Variants in FBXL7 observed in about 807,000 individuals in gnomAD.
FBXL7 encodes F-box and leucine rich repeat protein 7, also known as F-box/LRR-repeat protein 7.
In FBXL7, 12 loss-of-function variants were observed where a neutral mutation model predicts 38.3. That is an observed-to-expected ratio of 0.31 (90% confidence interval 0.20 to 0.51). FBXL7 has a LOEUF of 0.51. FBXL7 is among the 20% of genes least tolerant of loss of function. FBXL7 has a pLI of 0.98. For missense variants in FBXL7, 567 were observed against 676.4 expected (o/e 0.84, Z 1.79); for synonymous variants, 297 against 300.9 (o/e 0.99, Z 0.13).
intron 2 of FBXL7, among the ~76,000 whole-genome samples, chr5:15,869,105 A>G (rs1053131866): frequency 1.1e-4 from 17 of 152,278 alleles, no homozygotes; most frequent in Non-Finnish European, 2.4e-4. Flanking sequence ...ACTCAGTTCC[A>G]TGCCACATAA....
At chr5:15,887,782 G>A (rs186063275) in intron 2 of FBXL7, among the ~76,000 whole-genome samples, 3 of 152,282 alleles carry the variant, frequency 2.0e-5, no homozygotes, top group Admixed American at 6.5e-5. Flanking sequence ...CACTCAAGAA[G>A]CTTGGCTGTG....
At chr5:15,906,405 T>C (rs529386294) in intron 2 of FBXL7, among the ~76,000 whole-genome samples, 14 of 151,168 alleles carry the variant, frequency 9.3e-5, no homozygotes, top group African/African-American at 3.4e-4. Flanking sequence ...CCCCATTCTA[T>C]AGAGCTATTT....
At chr5:15,643,591 T>A (rs1263224240) in intron 2 of FBXL7, among the ~76,000 whole-genome samples, 6 of 152,210 alleles carry the variant, frequency 3.9e-5, no homozygotes, top group Non-Finnish European at 5.9e-5. Context: ...CTTTGAAATG[T>A]TAAGTGTGGA....
rs567493975 is a variant in FBXL7 at position 15,726,414 on chromosome 5, G to C, written c.127+110342G>C. 1.7e-3 allele frequency among the ~76,000 whole-genome samples: 264 copies of C among 152,154 alleles called. 1 individual carries two copies. The highest frequency in any genetic ancestry group is 3.4e-3 in the Middle Eastern group (1 of 294). On this transcript the variant is annotated intron_variant, in intron 2 of 3. Transcript: ENST00000504595. Reference sequence around the variant, plus strand: ...ACTACACCTCATCCTGGGCAACATAGTGAGACATCGCCCCTTAAAAAAATA... The same window carrying C: ...ACTACACCTCATCCTGGGCAACATACTGAGACATCGCCCCTTAAAAAAATA...
chr5:15,923,846 TC>T (rs1561190065), intron 2 of FBXL7, among the ~76,000 whole-genome samples: 1 of 151,662 alleles, frequency 6.6e-6, no homozygotes, highest in Non-Finnish European at 1.5e-5. Context: ...CACTTCACCC[TC>T]CCCCCTCCGC....
chr5:15,590,308 C>T (rs546575758), intron 1 of FBXL7, among the ~76,000 whole-genome samples: 7 of 152,244 alleles, frequency 4.6e-5, no homozygotes, highest in African/African-American at 1.7e-4. Flanking sequence ...ATCATTGCTA[C>T]CTCCATAACA....
chr5:15,882,968 G>GAA (rs35569953), intron 2 of FBXL7, among the ~76,000 whole-genome samples: 21 of 151,640 alleles, frequency 1.4e-4, no homozygotes, highest in African/African-American at 2.2e-4. Flanking sequence ...AATCATTTTA[G>GAA]AAAAAAAAAT....
At chr5:15,868,259 A>G (rs1739805614) in intron 2 of FBXL7, among the ~76,000 whole-genome samples, 1 of 152,226 alleles carries the variant, frequency 6.6e-6, no homozygotes, top group Non-Finnish European at 1.5e-5. Context: ...TTCTGTCAAC[A>G]GTCTGAATGA....
chr5:15,746,299 A>G (rs746513606), intron 2 of FBXL7, among the ~76,000 whole-genome samples: 2 of 152,172 alleles, frequency 1.3e-5, no homozygotes, highest in Non-Finnish European at 1.5e-5. Context: ...CGGCAGTTGG[A>G]TATTTGAGCC....
chr5:15,592,936 G>A (rs954669850), intron 1 of FBXL7, among the ~76,000 whole-genome samples: 2 of 152,148 alleles, frequency 1.3e-5, no homozygotes, highest in East Asian at 1.9e-4. Context: ...GATAAGATGC[G>A]TATCACACAC....
At chr5:15,593,121 T>G (rs1237464053) in intron 1 of FBXL7, among the ~76,000 whole-genome samples, 1 of 152,206 alleles carries the variant, frequency 6.6e-6, no homozygotes, top group African/African-American at 2.4e-5. Flanking sequence ...CCAGTTAGCT[T>G]TACAGGGATC....
intron 2 of FBXL7, among the ~76,000 whole-genome samples, chr5:15,818,618 A>G (rs1231896007): frequency 1.3e-5 from 2 of 152,110 alleles, no homozygotes; most frequent in African/African-American, 4.8e-5. Context: ...TGGTAATTAA[A>G]TAAGCATATT....
chr5:15,660,599 C>T (rs980492813), intron 2 of FBXL7, among the ~76,000 whole-genome samples: 1 of 152,190 alleles, frequency 6.6e-6, no homozygotes, highest in Non-Finnish European at 1.5e-5. Context: ...CTCAAGTGAT[C>T]TGCCCGTCTT....
rs1475215275 is a variant in FBXL7 at position 15,676,708 on chromosome 5, G to T, written c.127+60636G>T. Among the ~76,000 whole-genome samples, 7 of 152,282 alleles carry T rather than the reference G, an allele frequency of 4.6e-5. No homozygotes were observed. The East Asian group carries it at 1.4e-3, about 29-fold the overall frequency. On this transcript the variant is annotated intron_variant, in intron 2 of 3. Transcript: ENST00000504595. ...AATTACAAGAGCAGGGCCATAGGTGGCCATGCTGCAGGGCACTGCTGTTCA... is the reference window on the plus strand; with the variant it reads ...AATTACAAGAGCAGGGCCATAGGTGTCCATGCTGCAGGGCACTGCTGTTCA...
intron 2 of FBXL7, among the ~76,000 whole-genome samples, chr5:15,623,740 C>T (rs573892188): frequency 6.6e-6 from 1 of 152,284 alleles, no homozygotes; most frequent in Non-Finnish European, 1.5e-5. Flanking sequence ...CAAAACTCTA[C>T]AACAATTCAA....
intron 2 of FBXL7, among the ~76,000 whole-genome samples, chr5:15,645,063 C>T (rs1182413038): frequency 6.6e-6 from 1 of 152,196 alleles, no homozygotes; most frequent in African/African-American, 2.4e-5. Flanking sequence ...CAGTTTTAAC[C>T]ACAATCTGGA....
At chr5:15,522,542 A>G (rs571494067) in intron 1 of FBXL7, among the ~76,000 whole-genome samples, 4 of 152,332 alleles carry the variant, frequency 2.6e-5, no homozygotes, top group African/African-American at 9.6e-5. Context: ...CAAACTGTTC[A>G]GAAAATATTC....
At chr5:15,552,149 A>G (rs564172403) in intron 1 of FBXL7, among the ~76,000 whole-genome samples, 3 of 152,350 alleles carry the variant, frequency 2.0e-5, no homozygotes, top group African/African-American at 7.2e-5. Flanking sequence ...ACACTATGCT[A>G]TACATTGTCT....
chr5:15,510,359 C>T (rs980009963), intron 1 of FBXL7, among the ~76,000 whole-genome samples: 8 of 152,154 alleles, frequency 5.3e-5, no homozygotes, highest in Admixed American at 5.2e-4. Flanking sequence ...AAGTAAGCCA[C>T]TTTTTGGCAA....
Sources: gnomAD v4.1 joint callset for allele counts (sites outside exome capture counted in the v4.1 genomes callset) on GRCh38, gnomAD v4.1.1 for gene constraint, MANE v1.5 for transcripts, NCBI Gene and HGNC (gene_info 2026-07-23, HGNC 2026-07-21) for gene names.